The following SENP7 variants were observed in gnomAD, a reference collection of about 807,000 sequenced individuals.
SENP7 encodes sentrin-specific protease 7.
SENP7 carries 64 observed loss-of-function variants against 141.2 expected under a neutral mutation model. That is an observed-to-expected ratio of 0.45 (90% CI 0.37 to 0.56). SENP7 has a LOEUF of 0.56. Ranked by LOEUF, SENP7 falls within the 20% of genes least tolerant of loss-of-function variation. SENP7 has a pLI of 0.00. For missense variants in SENP7, 1,025 were observed against 1,212.2 expected (o/e 0.85, Z 2.29); for synonymous variants, 382 against 426.4 (o/e 0.90, Z 1.28).
Position 101,332,879 on chromosome 3 carries a change from C to G in SENP7, c.2481-17G>C. The G allele has an allele frequency of 6.4e-7, 1 of 1,567,428 alleles. No individual in the cohort carries two copies. Among genetic ancestry groups the G allele is most frequent in the Non-Finnish European group, 8.6e-7 (1 of 1,164,292 alleles). On this transcript the variant is annotated splice_polypyrimidine_tract_variant and intron_variant, in intron 17 of 23. Coordinates refer to ENST00000394095, the MANE Select transcript of SENP7 (RefSeq NM_020654.5). The stretch of plus-strand genomic sequence containing the variant: ...TGTGCCATTCTGAGAGTATGAAAGA[C>G]AGATTTGATATATAAAAATTTTTTC...
intron 11 of SENP7, chr3:101,358,409 C>A: frequency 2.2e-6 from 1 of 444,780 alleles, no homozygotes. Flanking sequence ...ATAATTTATA[C>A]TGGAGAGAAA....
At chr3:101,489,350 A>T (rs1434524487) in intron 3 of SENP7, among the ~76,000 whole-genome samples, 1 of 152,202 alleles carries the variant, frequency 6.6e-6, no homozygotes, top group Non-Finnish European at 1.5e-5. Flanking sequence ...GTCCCTCTTA[A>T]AAGACATGGA....
chr3:101,343,737 G>A lies in SENP7; in HGVS notation c.2055C>T (p.Phe685=), dbSNP rs1021979073. 6.2e-7 allele frequency: 1 copy of A among 1,613,472 alleles called. No individual in the cohort carries two copies. Among genetic ancestry groups the A allele is most frequent in the Admixed American group, 1.7e-5 (1 of 59,960 alleles). The change falls in exon 14 of 24, where the codon TTC becomes TTT. Residue 685 remains phenylalanine (F), a synonymous_variant. Transcript: ENST00000394095. ...CTTCAGCAACAGCAACACCAGCAGG[G>A]AAAGAACAAGTTGAAACACAGTAAT... ...IHYYCVSTCS[F]PAGVAVAEEM... is the part of the protein sequence containing the mutation.
chr3:101,424,573 T>C (rs2061895403), intron 4 of SENP7, among the ~76,000 whole-genome samples: 1 of 149,880 alleles, frequency 6.7e-6, no homozygotes, highest in Non-Finnish European at 1.5e-5. Context: ...CAGCACACCT[T>C]CCCCCCACAC....
chr3:101,475,245 C>G (rs1286206259), intron 3 of SENP7, among the ~76,000 whole-genome samples: 3 of 152,170 alleles, frequency 2.0e-5, no homozygotes, highest in African/African-American at 7.2e-5. Flanking sequence ...TATAAAGATA[C>G]ATGCACACAT....
intron 1 of SENP7, among the ~76,000 whole-genome samples, chr3:101,501,891 G>A (rs1004564844): frequency 3.9e-5 from 6 of 152,102 alleles, no homozygotes; most frequent in Admixed American, 3.3e-4. Flanking sequence ...CATAGGAAAG[G>A]GATGATTTTC....
At chr3:101,499,535 A>ATTTTTTTTTTTTTTTTT (rs55855998) in intron 2 of SENP7, among the ~76,000 whole-genome samples, 82 of 138,708 alleles carry the variant, frequency 5.9e-4, no homozygotes, top group African/African-American at 7.6e-4. Flanking sequence ...TGCCCAGCTA[A>ATTTTTTTTTTTTTTTTT]TTTTTTTTTT....
chr3:101,437,906 T>C (rs2062451957), intron 4 of SENP7, among the ~76,000 whole-genome samples: 1 of 151,446 alleles, frequency 6.6e-6, no homozygotes, highest in Non-Finnish European at 1.5e-5. Context: ...CTCATACCAT[T>C]AGGATGGCTA....
Position 101,328,665 on chromosome 3 carries a change from G to A in SENP7, c.2776C>T (p.Pro926Ser). ...ACCTACCTTTTACACATTTTCTTTG[G>A]TACTGACATATTCGACTCGGTACTC... ...SQSTESNMSV[P>S]KKMCKRPCIL... The change falls in exon 21 of 24, where the codon CCA becomes TCA. Residue 926 changes from proline (P) to serine (S), a missense_variant. By Grantham distance (74) the Pro-to-Ser change is moderately conservative. Transcript: ENST00000394095. 6.2e-7 allele frequency: 1 copy of A among 1,608,232 alleles called. No homozygotes were observed.
At chr3:101,442,167 A>G (rs2062701202) in intron 4 of SENP7, among the ~76,000 whole-genome samples, 1 of 152,242 alleles carries the variant, frequency 6.6e-6, no homozygotes, top group Non-Finnish European at 1.5e-5. Context: ...AAAAAATACA[A>G]TAATTCTCCA....
At chr3:101,368,046 A>C in intron 7 of SENP7, 35 bp from the exon 8 acceptor site, 1 of 1,518,990 alleles carries the variant, frequency 6.6e-7, no homozygotes, top group African/African-American at 1.4e-5. Context: ...TATGGACAAA[A>C]AAGTATAGAG....
intron 5 of SENP7, among the ~76,000 whole-genome samples, chr3:101,410,826 CAG>C (rs112300358): frequency 0.027 from 1,637 of 61,330 alleles, 29 homozygotes; most frequent in African/African-American, 0.086. Flanking sequence ...GCCTGGATGA[CAG>C]AGTGAGATTC....
intron 22 of SENP7, 45 bp downstream of exon 22, chr3:101,328,433 A>C (rs967462284): frequency 7.2e-7 from 1 of 1,386,720 alleles, no homozygotes; most frequent in African/African-American, 1.4e-5. Flanking sequence ...AAAATTACTG[A>C]GGTTTTAGAT....
chr3:101,389,958 GC>G (rs1166403725), intron 6 of SENP7, among the ~76,000 whole-genome samples: 6 of 152,112 alleles, frequency 3.9e-5, no homozygotes, highest in Non-Finnish European at 8.8e-5. Context: ...AGTGGCTCAT[GC>G]TTGTAATCCC....
In SENP7 at chr3:101,477,911, G is replaced by T. The variant is rs72944104; in HGVS notation, c.186+15962C>A. Among the ~76,000 whole-genome samples, 361 of 150,444 alleles carry T rather than the reference G, an allele frequency of 2.4e-3. 1 individual carries two copies. The highest frequency in any genetic ancestry group is 8.2e-3 in the African/African-American group (336 of 41,006). ...CATCAGAGCAAAACTAAAGAAAACA[G>T]AAAGACTAAAAATATAATACAAAGA... On this transcript the variant is annotated intron_variant, in intron 3 of 23. Transcript: ENST00000394095.
chr3:101,447,324 T>C (rs561622084), intron 4 of SENP7, among the ~76,000 whole-genome samples: 58 of 152,112 alleles, frequency 3.8e-4, no homozygotes, highest in African/African-American at 1.4e-3. Context: ...GCACCGGTGG[T>C]CCCAGAGACT....
intron 9 of SENP7, among the ~76,000 whole-genome samples, chr3:101,365,349 C>T (rs1035406129): frequency 6.6e-6 from 1 of 151,508 alleles, no homozygotes; most frequent in Non-Finnish European, 1.5e-5. Flanking sequence ...AAAAAAAGAA[C>T]TTTTGGCCGG....
intron 2 of SENP7, among the ~76,000 whole-genome samples, chr3:101,494,948 A>G (rs1284698524): frequency 6.6e-6 from 1 of 152,234 alleles, no homozygotes; most frequent in Non-Finnish European, 1.5e-5. Flanking sequence ...GATAAATGGG[A>G]TCTAATTAAA....
chr3:101,508,266 T>A (rs191590090), intron 1 of SENP7, among the ~76,000 whole-genome samples: 2 of 151,926 alleles, frequency 1.3e-5, no homozygotes, highest in Non-Finnish European at 2.9e-5. Flanking sequence ...GGTACAAACT[T>A]CTACATATCT....
Sources: gnomAD v4.1 joint callset for allele counts (sites outside exome capture counted in the v4.1 genomes callset) on GRCh38, gnomAD v4.1.1 for gene constraint, MANE v1.5 for transcripts, NCBI Gene and HGNC (gene_info 2026-07-23, HGNC 2026-07-21) for gene names.